The following TTLL3 variants were observed in gnomAD, a reference collection of about 807,000 sequenced individuals.
TTLL3 encodes the protein tubulin monoglycylase TTLL3.
Under a neutral mutation model 75.2 loss-of-function variants are expected in TTLL3, and 63 were observed. The observed-to-expected ratio is 0.84, with a 90% CI of 0.68 to 1.03. TTLL3 has a LOEUF of 1.03. Ranked by LOEUF, TTLL3 falls within the 50% of genes least tolerant of loss-of-function variation. TTLL3 has a pLI of 0.00. For missense variants in TTLL3, 997 were observed against 1,069.9 expected (o/e 0.93, Z 0.95); for synonymous variants, 393 against 418.5 (o/e 0.94, Z 0.74).
At chr3:9,817,471 T>C (rs1276013225) in intron 5 of TTLL3, 174 bp from the exon 6 acceptor site, 2 of 984,834 alleles carry the variant, frequency 2.0e-6, no homozygotes, top group Non-Finnish European at 2.4e-6. Flanking sequence ...CATCAGGCAT[T>C]CTTGGCAAAG....
chr3:9,812,009 G>C (rs1356832173), intron 2 of TTLL3, among the ~76,000 whole-genome samples: 1 of 152,198 alleles, frequency 6.6e-6, no homozygotes, highest in Non-Finnish European at 1.5e-5. Context: ...GGGGCCTCAG[G>C]CACCCTGCTT....
intron 12 of TTLL3, among the ~76,000 whole-genome samples, chr3:9,833,545 A>T (rs1057209849): frequency 1.3e-5 from 2 of 152,262 alleles, no homozygotes; most frequent in Admixed American, 1.3e-4. Context: ...GGGTAAGACC[A>T]TTCCCCCAAA....
chr3:9,809,853 C>G (rs1323713319), upstream of TTLL3: 4 of 431,716 alleles, frequency 9.3e-6, no homozygotes, highest in Non-Finnish European at 1.4e-5. Flanking sequence ...CTGATGGTGC[C>G]CAGGGAATGG....
chr3:9,830,895 C>T (rs1483644303), intron 11 of TTLL3, among the ~76,000 whole-genome samples: 4 of 152,134 alleles, frequency 2.6e-5, no homozygotes, highest in Admixed American at 6.5e-5. Flanking sequence ...CTGCGCCTCC[C>T]GGGTTCAAGC....
chr3:9,823,456 GT>G (rs1249105966), intron 8 of TTLL3, among the ~76,000 whole-genome samples: 2 of 145,870 alleles, frequency 1.4e-5, no homozygotes, highest in African/African-American at 5.1e-5. Context: ...AGCCAGCCAG[GT>G]TTTCATCAGG....
In TTLL3 at chr3:9,810,287, G is replaced by T. The variant is rs768805142; in HGVS notation, c.-149G>T. 391 of 1,503,576 alleles carry T rather than the reference G, an allele frequency of 2.6e-4. 4 individuals are homozygous for T. Among genetic ancestry groups the T allele is most frequent in the Middle Eastern group, 2.5e-3 (11 of 4,322 alleles). The allele number at this position is 1,503,576 out of a possible 1,614,324, so 93.1% of individuals were successfully genotyped here. ...AGCCCCGCCCCTGCGCGCCGCCTCA[G>T]CGGCGCCTTCAAGACGCTGGTCCCA... On this transcript the variant is annotated 5_prime_UTR_variant, in exon 1 of 14. Transcript: ENST00000685419. The surrounding 1 kb of genome is among the most constrained non-coding windows in gnomAD (Gnocchi z 4.4).
intron 7 of TTLL3, 188 bp downstream of exon 7, chr3:9,819,108 T>TA: frequency 1.4e-6 from 1 of 724,398 alleles, no homozygotes; most frequent in Non-Finnish European, 2.3e-6. Flanking sequence ...TCCACCCACG[T>TA]ATTCACCCAC....
intron 7 of TTLL3, 31 bp downstream of exon 7, chr3:9,818,951 C>G: frequency 1.2e-6 from 2 of 1,613,752 alleles, no homozygotes; most frequent in African/African-American, 2.7e-5. Flanking sequence ...CACTCTCCCA[C>G]CCATTTATCC....
chr3:9,834,276 T>C (rs535712643), intron 12 of TTLL3: 1 of 430,748 alleles, frequency 2.3e-6, no homozygotes, highest in South Asian at 1.7e-5. Flanking sequence ...CCCACTGCAG[T>C]ATTCTGCCTT....
At chr3:9,833,367 G>T in intron 12 of TTLL3, 122 bp downstream of exon 12, 9 of 1,479,422 alleles carry the variant, frequency 6.1e-6, no homozygotes, top group Non-Finnish European at 7.3e-6. Flanking sequence ...GAAAGGGGAA[G>T]AAAGGCAAGG....
At position 9,829,363 on chromosome 3, in the gene TTLL3, G is replaced by T; in HGVS notation, c.1651G>T (p.Asp551Tyr). 1 of 1,607,184 alleles carries T rather than the reference G, an allele frequency of 6.2e-7. No homozygotes were observed. Among genetic ancestry groups the T allele is most frequent in the South Asian group, 1.1e-5 (1 of 90,496 alleles). ...TGACCGGATGCTGGACCGCAACTGT[G>T]ACACAGGAGCCTTTGAGCTCATCTA... ...VIDRMLDRNC[D>Y]TGAFELIYKQ... Residue 551 changes from aspartate (D) to tyrosine (Y), a missense_variant, in exon 11 of 14, where the codon GAC (aspartate) becomes TAC (tyrosine). Coordinates refer to ENST00000685419, the MANE Select transcript of TTLL3 (RefSeq NM_001387446.1).
At chr3:9,828,688 T>A (rs1367257465) in intron 10 of TTLL3, 9 of 484,772 alleles carry the variant, frequency 1.9e-5, no homozygotes, top group Non-Finnish European at 3.4e-5. Flanking sequence ...GACACTGGGA[T>A]GGTTAACTGA....
chr3:9,820,189 T>C, intron 7 of TTLL3: 2 of 1,039,746 alleles, frequency 1.9e-6, no homozygotes, highest in Non-Finnish European at 2.3e-6. Flanking sequence ...GGGGCGTTCA[T>C]GTATAACTGG....
chr3:9,812,532 G>A (rs1023944300), intron 2 of TTLL3, among the ~76,000 whole-genome samples: 14 of 151,584 alleles, frequency 9.2e-5, no homozygotes, highest in Admixed American at 3.3e-4. Context: ...TTATCTGGGC[G>A]TGGTGGCATA....
chr3:9,809,852 C>T, upstream of TTLL3: 1 of 426,574 alleles, frequency 2.3e-6, no homozygotes, highest in Non-Finnish European at 3.5e-6. Flanking sequence ...TCTGATGGTG[C>T]CCAGGGAATG....
chr3:9,825,816 A>G lies in TTLL3; in HGVS notation c.871A>G (p.Arg291Gly). Reference protein sequence around the residue: ...YQVVHEGAELRHLDTQVQRCE... With the variant: ...YQVVHEGAELGHLDTQVQRCE... ...TCCCCACAGCGAAGGGGCAGAACTC[A>G]GGCACCTCGACACTCAGGTCCAGCG... The change falls in exon 9 of 14, where the codon AGG becomes GGG. Residue 291 changes from arginine to glycine, a missense_variant. Coordinates refer to ENST00000685419, the MANE Select transcript of TTLL3 (RefSeq NM_001387446.1). 1 of 1,614,148 alleles carries G rather than the reference A, an allele frequency of 6.2e-7. No homozygotes were observed.
intron 11 of TTLL3, among the ~76,000 whole-genome samples, chr3:9,831,785 A>G (rs1054685122): frequency 2.8e-5 from 4 of 145,104 alleles, no homozygotes; most frequent in Admixed American, 1.4e-4. Flanking sequence ...TGATAGCTAC[A>G]TTTTTATTTG....
rs1327475235 is a variant in TTLL3 at position 9,820,614 on chromosome 3, C to G, written c.727C>G (p.Leu243Val). 3 of 1,614,118 alleles carry G rather than the reference C, an allele frequency of 1.9e-6. No homozygotes were observed. Among genetic ancestry groups the G allele is most frequent in the Non-Finnish European group, 2.5e-6 (3 of 1,180,010 alleles). The change falls in exon 8 of 14, where the codon CTG becomes GTG. Residue 243 changes from leucine to valine, a missense_variant. By Grantham distance (32) the Leu-to-Val change is conservative. Transcript: ENST00000685419. ...GTCCCCAGAGTTTGTGGATGAAGCT[C>G]TGTGTGCGTGCGAGGAGTACCTTAG... ...LVSPEFVDEA[L>V]CACEEYLSNL...
chr3:9,815,548 T>G (rs2125691973), intron 4 of TTLL3, among the ~76,000 whole-genome samples: 1 of 152,340 alleles, frequency 6.6e-6, no homozygotes, highest in Middle Eastern at 3.4e-3. Context: ...ACAGGCTGTG[T>G]GCCCATCAGC....
Sources: allele counts gnomAD v4.1 joint callset (sites outside exome capture counted in the v4.1 genomes callset), GRCh38; gene constraint gnomAD v4.1.1; non-coding constraint Gnocchi (gnomAD v3.1); transcripts MANE v1.5; gene names NCBI Gene and HGNC (gene_info 2026-07-23, HGNC 2026-07-21).